LARGE1: variants seen among roughly 807,000 people sequenced by gnomAD.
LARGE1 encodes the protein LARGE xylosyl- and glucuronyltransferase 1.
In LARGE1, 43 loss-of-function variants were observed where a neutral mutation model predicts 87.6. That is an observed-to-expected ratio of 0.49 (90% CI 0.38 to 0.63). The LOEUF is 0.63. Ranked by LOEUF, LARGE1 falls within the 30% of genes least tolerant of loss-of-function variation. LARGE1 has a pLI of 0.00. For missense variants in LARGE1, 802 were observed against 1,000.2 expected (o/e 0.80, Z 2.67); for synonymous variants, 434 against 394.6 (o/e 1.10, Z -1.18).
At chr22:33,511,605 G>A (rs1440991949) in intron 6 of LARGE1, among the ~76,000 whole-genome samples, 1 of 152,126 alleles carries the variant, frequency 6.6e-6, no homozygotes, top group Non-Finnish European at 1.5e-5. Flanking sequence ...CCTATGACAG[G>A]GATGGAGAGC....
intron 11 of LARGE1, among the ~76,000 whole-genome samples, chr22:33,220,819 G>A (rs137463): frequency 0.8 from 121,904 of 152,178 alleles, 49,605 homozygotes; most frequent in African/African-American, 0.95. Flanking sequence ...TCTCCTGGAA[G>A]AGCTTTCAGC....
intron 6 of LARGE1, among the ~76,000 whole-genome samples, chr22:33,449,696 G>A (rs1263802375): frequency 3.3e-5 from 5 of 152,288 alleles, no homozygotes; most frequent in South Asian, 2.1e-4. Flanking sequence ...GTATATATGC[G>A]TCTCAAAGCA....
At chr22:33,378,383 G>A (rs113902135) in intron 9 of LARGE1, among the ~76,000 whole-genome samples, 1 of 152,160 alleles carries the variant, frequency 6.6e-6, no homozygotes, top group African/African-American at 2.4e-5. Context: ...TACACTCTGA[G>A]TTTTATTAAC....
intron 6 of LARGE1, 88 bp downstream of exon 6, chr22:33,564,760 C>A: frequency 1.5e-6 from 2 of 1,357,820 alleles, no homozygotes; most frequent in Admixed American, 1.7e-5. Context: ...TTCGAGGAGA[C>A]CTCACCTTTT....
chr22:33,495,614 G>A (rs944110730), intron 6 of LARGE1, among the ~76,000 whole-genome samples: 1 of 152,172 alleles, frequency 6.6e-6, no homozygotes, highest in Non-Finnish European at 1.5e-5. Context: ...AGCTACTCGG[G>A]AGGCTGAGGC....
chr22:33,269,629 A>G (rs1202644661), downstream of LARGE1, among the ~76,000 whole-genome samples: 1 of 152,190 alleles, frequency 6.6e-6, no homozygotes, highest in African/African-American at 2.4e-5. Flanking sequence ...CTCATTGATC[A>G]GATGGCCTTG....
At chr22:33,774,709 T>C (rs1278857367) in intron 1 of LARGE1, among the ~76,000 whole-genome samples, 1 of 152,228 alleles carries the variant, frequency 6.6e-6, no homozygotes, top group Non-Finnish European at 1.5e-5. Flanking sequence ...TATATTAGCA[T>C]GTTAACATGT....
chr22:33,462,882 A>G (rs2068437188), intron 6 of LARGE1, among the ~76,000 whole-genome samples: 1 of 152,208 alleles, frequency 6.6e-6, no homozygotes, highest in African/African-American at 2.4e-5. Flanking sequence ...CTTTTAAAAT[A>G]ACAAGCATGT....
downstream of LARGE1, among the ~76,000 whole-genome samples, chr22:33,159,169 C>T (rs1353634473): frequency 2.6e-5 from 4 of 152,014 alleles, no homozygotes; most frequent in African/African-American, 9.7e-5. Flanking sequence ...TTTCTGATTC[C>T]ATCATTCTCT....
chr22:33,642,710 C>A (rs377660003), intron 3 of LARGE1, among the ~76,000 whole-genome samples: 191 of 17,318 alleles, frequency 0.011, no homozygotes, highest in East Asian at 0.031. Flanking sequence ...AAATGGAAAG[C>A]AAAAAAAAAA....
At chr22:33,729,831 G>A (rs760836636) in intron 2 of LARGE1, among the ~76,000 whole-genome samples, 5 of 152,140 alleles carry the variant, frequency 3.3e-5, no homozygotes, top group Admixed American at 6.5e-5. Context: ...ATGAGTTAGC[G>A]TACACACATG....
chr22:33,143,859 T>C, the LARGE1 span, among the ~76,000 whole-genome samples: 2 of 152,146 alleles, frequency 1.3e-5, no homozygotes, highest in Non-Finnish European at 2.9e-5. Context: ...TTCAATTAAA[T>C]CTTAAAATTT....
At chr22:33,876,378 G>A (rs528381884) in intron 1 of LARGE1, among the ~76,000 whole-genome samples, 16 of 152,078 alleles carry the variant, frequency 1.1e-4, no homozygotes, top group African/African-American at 3.6e-4. Flanking sequence ...GATGGGAGAG[G>A]GGGAGGTGCA....
chr22:33,309,713 G>A (rs1602349079), intron 11 of LARGE1, among the ~76,000 whole-genome samples: 1 of 152,158 alleles, frequency 6.6e-6, no homozygotes, highest in Non-Finnish European at 1.5e-5. Flanking sequence ...TGAAAAGTCT[G>A]GGGGGAAAGC....
intron 1 of LARGE1, among the ~76,000 whole-genome samples, chr22:33,858,202 G>A (rs757125929): frequency 1.1e-4 from 17 of 152,198 alleles, no homozygotes; most frequent in South Asian, 4.1e-4. Flanking sequence ...GATCGGGAGC[G>A]GCAATGGGCA....
intron 7 of LARGE1, among the ~76,000 whole-genome samples, chr22:33,391,093 A>G (rs1211686216): frequency 6.6e-6 from 1 of 152,096 alleles, no homozygotes; most frequent in East Asian, 1.9e-4. Context: ...GGCCTCCCCA[A>G]GTGTTGCAAT....
At chr22:33,723,329 G>A (rs1361467739) in intron 2 of LARGE1, among the ~76,000 whole-genome samples, 1 of 152,212 alleles carries the variant, frequency 6.6e-6, no homozygotes, top group Non-Finnish European at 1.5e-5. Flanking sequence ...ACAGCCTTCA[G>A]GGTCCAGGGG....
intron 2 of LARGE1, among the ~76,000 whole-genome samples, chr22:33,748,851 T>C (rs979775856): frequency 6.6e-5 from 10 of 152,206 alleles, no homozygotes; most frequent in African/African-American, 2.2e-4. Flanking sequence ...AGGAAGTCTC[T>C]CCCTGCCCCT....
At chr22:33,694,022 G>T (rs2082174143) in intron 2 of LARGE1, among the ~76,000 whole-genome samples, 2 of 152,088 alleles carry the variant, frequency 1.3e-5, no homozygotes, top group Non-Finnish European at 2.9e-5. Flanking sequence ...CAGTATTTGA[G>T]GCCCAATACA....
Sources: gnomAD v4.1 joint callset for allele counts (sites outside exome capture counted in the v4.1 genomes callset) on GRCh38, gnomAD v4.1.1 for gene constraint, MANE v1.5 for transcripts, NCBI Gene and HGNC (gene_info 2026-07-23, HGNC 2026-07-21) for gene names.